Variants in USH2A observed in about 807,000 individuals in gnomAD.
The protein encoded by USH2A is Usher syndrome 2A (autosomal recessive, mild).
USH2A carries 443 observed loss-of-function variants against 538.9 expected under a neutral mutation model. The ratio of observed to expected loss-of-function variants is 0.82; its 90% CI spans 0.76 to 0.89. The LOEUF (loss-of-function observed/expected upper bound fraction) is 0.89. Ranked by LOEUF, USH2A falls within the 40% of genes least tolerant of loss-of-function variation. USH2A has a pLI of 0.00. For missense variants in USH2A, 6,633 were observed against 6,324.8 expected, an observed-to-expected ratio of 1.05 and a Z score of -1.65; for synonymous variants, 2,413 against 2,273.5, an observed-to-expected ratio of 1.06 and a Z score of -1.75.
chr1:216,332,154 T>G (rs1261195267), intron 4 of USH2A, among the ~76,000 whole-genome samples: 1 of 152,116 alleles, frequency 6.6e-6, no homozygotes, highest in Non-Finnish European at 1.5e-5. Flanking sequence ...GGAGTGGAGC[T>G]GTTTCAAAGC....
At chr1:216,351,907 C>T (rs2038295238) in intron 4 of USH2A, among the ~76,000 whole-genome samples, 1 of 151,870 alleles carries the variant, frequency 6.6e-6, no homozygotes, top group South Asian at 2.1e-4. Flanking sequence ...TTTTCTCTGT[C>T]TTAGTGGAAA....
chr1:215,934,742 C>T lies in USH2A; in HGVS notation c.7174G>A (p.Glu2392Lys). 1 of 1,612,748 alleles carries T rather than the reference C, an allele frequency of 6.2e-7. No individual in the cohort carries two copies. Among genetic ancestry groups the T allele is most frequent in the Non-Finnish European group, 8.5e-7 (1 of 1,179,092 alleles). The part of the protein sequence containing the change: ...NVTKVMYSGE[E>K]TNLWVLIDGL... ...TCGATGAGCACCCAAAGGTTTGTCT[C>T]TTCTCCGCTGTACATGACTTTTGTG... The change falls in exon 38 of 72, where the codon GAG (glutamate) becomes AAG (lysine). Residue 2392 changes from glutamate (E) to lysine (K), a missense_variant. Coordinates refer to ENST00000307340, the MANE Select transcript of USH2A (RefSeq NM_206933.4).
chr1:215,916,233 A>G (rs1351236498), intron 38 of USH2A, among the ~76,000 whole-genome samples: 2 of 152,058 alleles, frequency 1.3e-5, no homozygotes, highest in African/African-American at 2.4e-5. Flanking sequence ...CAAGAGCTAT[A>G]GGTTTTACAG....
intron 37 of USH2A, among the ~76,000 whole-genome samples, chr1:215,957,672 G>A (rs887417274): frequency 7.2e-5 from 11 of 152,118 alleles, no homozygotes; most frequent in African/African-American, 2.2e-4. Context: ...CGTGGTGGAC[G>A]TTATGTTCCC....
At chr1:215,882,107 T>C (rs1337569886) in intron 41 of USH2A, among the ~76,000 whole-genome samples, 2 of 152,160 alleles carry the variant, frequency 1.3e-5, no homozygotes, top group Non-Finnish European at 2.9e-5. Context: ...AATAAGAGCA[T>C]TTATAAAGAT....
chr1:215,768,467 T>A (rs1661192455), intron 55 of USH2A, among the ~76,000 whole-genome samples: 1 of 131,830 alleles, frequency 7.6e-6, no homozygotes, highest in Non-Finnish European at 1.5e-5. Flanking sequence ...TCAGAGCCCT[T>A]TGTATTTTTT....
intron 3 of USH2A, among the ~76,000 whole-genome samples, chr1:216,398,327 A>C (rs1558071043): frequency 2.6e-5 from 4 of 152,204 alleles, no homozygotes; most frequent in African/African-American, 9.6e-5. Context: ...TTGAGGAACA[A>C]CATGGCAAAT....
At chr1:215,884,380 C>A (rs1416917680) in intron 41 of USH2A, among the ~76,000 whole-genome samples, 1 of 152,156 alleles carries the variant, frequency 6.6e-6, no homozygotes, top group Non-Finnish European at 1.5e-5. Context: ...AGGAAGATTG[C>A]ACTTTTTTTC....
rs1248632259 is a variant in USH2A at position 215,674,638 on chromosome 1, T to C, written c.13273A>G (p.Thr4425Ala). Residue 4425 changes from threonine (T) to alanine (A), a missense_variant, in exon 63 of 72, where the codon ACG (threonine) becomes GCG (alanine). Thr to Ala is a moderately conservative substitution (Grantham distance 58). Coordinates refer to ENST00000307340, the MANE Select transcript of USH2A (RefSeq NM_206933.4). ...ACACTAGCTGTGCAACCTCCATTCG[T>C]GCAGGCTACAAGGGAGAAGTTATAC... is the stretch of plus-strand genomic sequence containing the variant. Reference protein sequence around the residue: ...SQYNFSLVACTNGGCTASVSK... With the variant: ...SQYNFSLVACANGGCTASVSK... 6 of 1,614,168 alleles carry C rather than the reference T, an allele frequency of 3.7e-6. No individual in the cohort carries two copies. Among genetic ancestry groups the C allele is most frequent in the Non-Finnish European group, 5.1e-6 (6 of 1,180,032 alleles).
chr1:216,361,133 C>T (rs963632237), intron 4 of USH2A, among the ~76,000 whole-genome samples: 10 of 152,058 alleles, frequency 6.6e-5, no homozygotes, highest in African/African-American at 2.2e-4. Flanking sequence ...TTCACGACAA[C>T]GTTACCACTG....
intron 63 of USH2A, among the ~76,000 whole-genome samples, chr1:215,671,670 T>C (rs1432347453): frequency 6.6e-6 from 1 of 152,206 alleles, no homozygotes; most frequent in Non-Finnish European, 1.5e-5. Context: ...ACTCTCAAGA[T>C]TCTTTCCGGC....
intron 44 of USH2A, among the ~76,000 whole-genome samples, chr1:215,857,544 G>A (rs1377580383): frequency 6.6e-6 from 1 of 151,882 alleles, no homozygotes; most frequent in East Asian, 2.0e-4. Flanking sequence ...TATTCAATAA[G>A]CCTCAGGAAG....
intron 16 of USH2A, among the ~76,000 whole-genome samples, chr1:216,205,780 G>C (rs2035099417): frequency 6.6e-6 from 1 of 152,134 alleles, no homozygotes. Flanking sequence ...TTAAACTAGT[G>C]TGTAGCTAAA....
intron 14 of USH2A, among the ~76,000 whole-genome samples, chr1:216,227,852 G>C (rs1312874232): frequency 1.3e-5 from 2 of 152,172 alleles, no homozygotes; most frequent in African/African-American, 4.8e-5. Context: ...TAGTGCTTCA[G>C]ATCAGCATAG....
chr1:216,398,809 C>G (rs943092198), intron 3 of USH2A, among the ~76,000 whole-genome samples: 1 of 152,192 alleles, frequency 6.6e-6, no homozygotes, highest in Non-Finnish European at 1.5e-5. Flanking sequence ...GCTGATCTTC[C>G]ATTCTCCACT....
intron 13 of USH2A, among the ~76,000 whole-genome samples, chr1:216,246,358 G>C (rs1232071093): frequency 6.6e-6 from 1 of 152,096 alleles, no homozygotes; most frequent in African/African-American, 2.4e-5. Flanking sequence ...AAATAAATCC[G>C]ATCGGCTGAG....
intron 37 of USH2A, 27 bp downstream of exon 37, chr1:215,965,290 A>G: frequency 6.3e-7 from 1 of 1,599,534 alleles, no homozygotes; most frequent in Non-Finnish European, 8.5e-7. Flanking sequence ...AATGTTATTT[A>G]AAGTTTAGAA....
intron 44 of USH2A, 108 bp from the exon 45 acceptor site, chr1:215,846,141 C>A (rs778020051): frequency 1.5e-5 from 16 of 1,091,030 alleles, no homozygotes; most frequent in East Asian, 2.6e-5. Context: ...GTTTAGAGAG[C>A]CTTTGTTTTG....
chr1:215,878,273 T>C (rs1664825481), intron 42 of USH2A, among the ~76,000 whole-genome samples: 1 of 152,292 alleles, frequency 6.6e-6, no homozygotes, highest in Admixed American at 6.5e-5. Context: ...CTTTGTATTC[T>C]TGGCCAAGTA....
Sources: gnomAD v4.1 joint callset for allele counts (sites outside exome capture counted in the v4.1 genomes callset) on GRCh38, gnomAD v4.1.1 for gene constraint, MANE v1.5 for transcripts, NCBI Gene and HGNC (gene_info 2026-07-23, HGNC 2026-07-21) for gene names.